The following TTC6 variants were observed in gnomAD, a reference collection of about 807,000 sequenced individuals.
TTC6 encodes the protein tetratricopeptide repeat protein 6.
Under a neutral mutation model 210.4 loss-of-function variants are expected in TTC6, and 172 were observed. The ratio of observed to expected loss-of-function variants is 0.82; its 90% confidence interval spans 0.72 to 0.93. The LOEUF (loss-of-function observed/expected upper bound fraction) is 0.93, where lower values mean the gene tolerates loss of function less well. TTC6 is among the 40% of genes least tolerant of loss of function. The pLI is 0.00. For synonymous variants in TTC6, 804 were observed against 819.6 expected, an observed-to-expected ratio of 0.98 and a Z score of 0.32; for missense variants, 2,414 against 2,318.1, an observed-to-expected ratio of 1.04 and a Z score of -0.85.
intron 6 of TTC6, among the ~76,000 whole-genome samples, chr14:37,717,175 A>AAG (rs2095854163): frequency 6.6e-6 from 1 of 151,922 alleles, no homozygotes; most frequent in Non-Finnish European, 1.5e-5. Flanking sequence ...CCCCCAAAAA[A>AAG]AGAGCAAAAT....
intron 14 of TTC6, among the ~76,000 whole-genome samples, chr14:37,769,605 A>G (rs1332620380): frequency 2.0e-5 from 3 of 152,118 alleles, no homozygotes; most frequent in Non-Finnish European, 2.9e-5. Context: ...TATTTGTAGT[A>G]TTCTCTGATG....
At chr14:37,610,847 G>A (rs1192173780) in intron 2 of TTC6, among the ~76,000 whole-genome samples, 1 of 152,162 alleles carries the variant, frequency 6.6e-6, no homozygotes, top group East Asian at 1.9e-4. Context: ...ACCCCTCGGT[G>A]TCTGGCTTCT....
chr14:37,684,561 AG>A (rs897007766), intron 3 of TTC6, among the ~76,000 whole-genome samples: 3 of 152,176 alleles, frequency 2.0e-5, no homozygotes, highest in African/African-American at 7.2e-5. Context: ...AAATGTTTCA[AG>A]GGGAGAGAAG....
At chr14:37,679,420 A>G (rs993139424) in intron 1 of TTC6, among the ~76,000 whole-genome samples, 6 of 152,158 alleles carry the variant, frequency 3.9e-5, no homozygotes, top group African/African-American at 1.2e-4. Flanking sequence ...AGTAGAGAGT[A>G]TATCATTGCA....
chr14:37,824,137 C>T (rs974718420), intron 27 of TTC6, among the ~76,000 whole-genome samples, 180 bp downstream of exon 29: 1 of 152,004 alleles, frequency 6.6e-6, no homozygotes, highest in Admixed American at 6.6e-5. Context: ...GAGAGGCTGC[C>T]TGGATCTGGA....
chr14:37,692,129 A>G (rs1346745226), intron 3 of TTC6, among the ~76,000 whole-genome samples: 4 of 151,076 alleles, frequency 2.6e-5, no homozygotes, highest in Admixed American at 2.6e-4. Flanking sequence ...ATTCTGAAAA[A>G]TAAACTAGAA....
chr14:37,721,114 A>G (rs1326046107), intron 6 of TTC6, among the ~76,000 whole-genome samples: 2 of 151,886 alleles, frequency 1.3e-5, no homozygotes, highest in Non-Finnish European at 2.9e-5. Context: ...AAGAAAAAAA[A>G]TGTAGCCTCA....
At chr14:37,797,087 C>G (rs2096094499) in intron 20 of TTC6, 140 bp downstream of exon 22, 1 of 823,142 alleles carries the variant, frequency 1.2e-6, no homozygotes, top group Non-Finnish European at 1.7e-6. Context: ...GTTATTTTCT[C>G]TCTTTTTTGT....
At chr14:37,611,508 G>A in intron 2 of TTC6, 1 of 153,268 alleles carries the variant, frequency 6.5e-6, no homozygotes, top group Non-Finnish European at 1.5e-5. Context: ...AATCAGGGTA[G>A]AAAAAGGGGC....
chr14:37,836,985 AT>A (rs1382889363), intron 29 of TTC6, among the ~76,000 whole-genome samples: 2 of 152,222 alleles, frequency 1.3e-5, no homozygotes, highest in Non-Finnish European at 2.9e-5. Context: ...ACATTAAAAA[AT>A]AACTGGATCT....
At chr14:37,835,522 A>G (rs1441746643) in intron 29 of TTC6, among the ~76,000 whole-genome samples, 3 of 152,142 alleles carry the variant, frequency 2.0e-5, no homozygotes, top group Non-Finnish European at 4.4e-5. Context: ...ACTACCCATT[A>G]TGTCATTAGG....
intron 1 of TTC6, among the ~76,000 whole-genome samples, chr14:37,675,568 C>G (rs1334454830): frequency 6.6e-6 from 1 of 151,986 alleles, no homozygotes; most frequent in East Asian, 1.9e-4. Flanking sequence ...TACCTACCAT[C>G]AGTTTTTTTG....
chr14:37,736,263 C>A (rs914299939), intron 8 of TTC6, among the ~76,000 whole-genome samples: 1 of 151,964 alleles, frequency 6.6e-6, no homozygotes, highest in Non-Finnish European at 1.5e-5. Flanking sequence ...TGGCACGTGC[C>A]TGTATCTCAG....
At chr14:37,790,746 G>T (rs1447730596) in exon 16 of TTC6, 1 of 1,534,132 alleles carries the variant, frequency 6.5e-7, no homozygotes, top group Non-Finnish European at 8.7e-7. Context: ...TGAGAATCTT[G>T]GTTGTTTTCT....
At chr14:37,676,288 A>G (rs2095769236) in intron 1 of TTC6, among the ~76,000 whole-genome samples, 1 of 152,106 alleles carries the variant, frequency 6.6e-6, no homozygotes, top group Non-Finnish European at 1.5e-5. Flanking sequence ...CTTAAGCTGA[A>G]TAATCAGGGT....
intron 29 of TTC6, among the ~76,000 whole-genome samples, chr14:37,831,601 T>C (rs1206393666): frequency 9.2e-6 from 1 of 108,448 alleles, no homozygotes; most frequent in Non-Finnish European, 2.1e-5. Context: ...TGTTTTTCTT[T>C]GTTTGCAATA....
At chr14:37,784,994 G>A (rs190096622) in intron 14 of TTC6, among the ~76,000 whole-genome samples, 16 of 152,350 alleles carry the variant, frequency 1.1e-4, no homozygotes, top group Admixed American at 5.9e-4. Context: ...GAGATCAGCT[G>A]TTAATCTGAT....
At chr14:37,657,020 G>T (rs1475415476) in intron 1 of TTC6, among the ~76,000 whole-genome samples, 1 of 151,950 alleles carries the variant, frequency 6.6e-6, no homozygotes, top group Non-Finnish European at 1.5e-5. Flanking sequence ...GACCAGCCTG[G>T]CCAACATGGC....
Position 37,784,429 on chromosome 14 carries a change from A to T in TTC6, c.3267-3039A>T, listed in dbSNP as rs148986844. ...TGGTTTAAAGTCTGTTTTATCAGAG[A>T]CCAGGATTACAACCCCTGCTTTTTT... On this transcript the variant is annotated intron_variant, in intron 14 of 30. Coordinates refer to ENST00000553443, the Ensembl canonical transcript of TTC6. Among the ~76,000 whole-genome samples the T allele has an allele frequency of 5.1e-3, 778 of 152,208 alleles. 2 individuals carry two copies. The highest frequency in any genetic ancestry group is 0.018 in the African/African-American group (746 of 41,528).
Sources: gnomAD v4.1 joint callset for allele counts (sites outside exome capture counted in the v4.1 genomes callset) on GRCh38, gnomAD v4.1.1 for gene constraint, MANE v1.5 for transcripts, NCBI Gene and HGNC (gene_info 2026-07-23, HGNC 2026-07-21) for gene names.